The following MYRIP variants were observed in gnomAD, a reference collection of about 807,000 sequenced individuals.
MYRIP encodes the protein myosin VIIA and Rab interacting protein.
In MYRIP, 49 loss-of-function variants were observed where a neutral mutation model predicts 98.0. The ratio of observed to expected loss-of-function variants is 0.50; its 90% CI spans 0.40 to 0.63. The LOEUF is 0.63. Among genes scored for constraint, MYRIP ranks in the 30% least tolerant of loss-of-function variants. The pLI, the probability that MYRIP is intolerant of heterozygous loss-of-function variation, is 0.00. For synonymous variants in MYRIP, 404 were observed against 409.5 expected, an observed-to-expected ratio of 0.99 and a Z score of 0.16; for missense variants, 1,004 against 1,058.2, an observed-to-expected ratio of 0.95 and a Z score of 0.71.
chr3:39,873,252 G>A (rs911251818), intron 1 of MYRIP, among the ~76,000 whole-genome samples: 4 of 152,156 alleles, frequency 2.6e-5, no homozygotes, highest in African/African-American at 9.7e-5. Context: ...TTTGTCAGAT[G>A]AGTAGGTTGT....
At chr3:40,225,401 C>T (rs1399824270) in intron 11 of MYRIP, among the ~76,000 whole-genome samples, 1 of 152,164 alleles carries the variant, frequency 6.6e-6, no homozygotes, top group Non-Finnish European at 1.5e-5. Context: ...TGCAGAATGA[C>T]CTGAGGACTC....
chr3:40,057,584 C>T (rs1483291208), intron 3 of MYRIP, among the ~76,000 whole-genome samples: 1 of 152,178 alleles, frequency 6.6e-6, no homozygotes, highest in Non-Finnish European at 1.5e-5. Context: ...TGGCTTCTCA[C>T]AGACCACCCC....
chr3:40,149,095 A>G (rs562419637), intron 3 of MYRIP, among the ~76,000 whole-genome samples: 1 of 152,200 alleles, frequency 6.6e-6, no homozygotes, highest in Non-Finnish European at 1.5e-5. Flanking sequence ...AGGAAGGAAT[A>G]CTTGGGGCAG....
intron 2 of MYRIP, among the ~76,000 whole-genome samples, chr3:39,929,031 G>A (rs536507568): frequency 6.6e-6 from 1 of 152,062 alleles, no homozygotes; most frequent in Admixed American, 6.5e-5. Context: ...TGTGGTCTGT[G>A]TGTGTGTGTA....
chr3:39,816,248 A>G (rs71329592), intron 1 of MYRIP, among the ~76,000 whole-genome samples: 1 of 151,836 alleles, frequency 6.6e-6, no homozygotes, highest in Non-Finnish European at 1.5e-5. Context: ...CGCCCAGCTA[A>G]ATTTTTTGTA....
intron 2 of MYRIP, among the ~76,000 whole-genome samples, chr3:39,977,372 A>G (rs1050667576): frequency 1.4e-4 from 22 of 152,310 alleles, no homozygotes; most frequent in African/African-American, 4.8e-4. Flanking sequence ...AGCTTCCAGA[A>G]ACTGACAAGA....
chr3:39,945,498 AG>A (rs1253943426), intron 2 of MYRIP, among the ~76,000 whole-genome samples: 3 of 149,486 alleles, frequency 2.0e-5, no homozygotes, highest in East Asian at 2.0e-4. Context: ...AAAAGAAAAA[AG>A]AAAAAAAAAG....
intron 2 of MYRIP, among the ~76,000 whole-genome samples, chr3:40,006,295 C>T (rs545210991): frequency 2.0e-5 from 3 of 152,074 alleles, no homozygotes; most frequent in African/African-American, 7.2e-5. Context: ...AGTTTAGTAC[C>T]CAGCTTAGAA....
chr3:40,119,941 A>T (rs2125910103), intron 3 of MYRIP, among the ~76,000 whole-genome samples: 1 of 152,080 alleles, frequency 6.6e-6, no homozygotes, highest in Admixed American at 6.5e-5. Context: ...TAAATAAATA[A>T]ATAAATAAAC....
chr3:40,137,327 A>C (rs1949801477), intron 3 of MYRIP, among the ~76,000 whole-genome samples: 1 of 152,264 alleles, frequency 6.6e-6, no homozygotes, highest in African/African-American at 2.4e-5. Context: ...TCCCAAGACT[A>C]AACCAGGAAG....
chr3:40,066,784 A>G (rs888332464), intron 3 of MYRIP, among the ~76,000 whole-genome samples: 4 of 152,236 alleles, frequency 2.6e-5, no homozygotes, highest in Non-Finnish European at 4.4e-5. Context: ...TGATTAAAAT[A>G]TAAGTTGTCT....
chr3:40,131,413 C>T (rs1413777652), intron 3 of MYRIP, among the ~76,000 whole-genome samples: 1 of 152,170 alleles, frequency 6.6e-6, no homozygotes, highest in Non-Finnish European at 1.5e-5. Context: ...TTTAATTTCA[C>T]AGCCTGTGAG....
rs1948680356 is a variant in MYRIP, at chr3:40,088,724, G to A, written c.332+44453G>A. ...TGTGGCTGGAGCCTGTGGCTGGGAA[G>A]AAGTGCAGGGCCCAGCCCCCAGAGG... On this transcript the variant is annotated intron_variant, in intron 3 of 16. Coordinates refer to ENST00000302541, the MANE Select transcript of MYRIP (RefSeq NM_015460.4). Among the ~76,000 whole-genome samples the A allele has an allele frequency of 2.0e-5, 3 of 152,258 alleles. 1 individual carries two copies. In the South Asian group the frequency reaches 6.2e-4, roughly 31 times the overall value.
chr3:39,975,994 G>A (rs1945740866), intron 2 of MYRIP, among the ~76,000 whole-genome samples: 1 of 152,130 alleles, frequency 6.6e-6, no homozygotes, highest in African/African-American at 2.4e-5. Flanking sequence ...CATGGGCAAG[G>A]ACTTCATGTC....
intron 2 of MYRIP, among the ~76,000 whole-genome samples, chr3:39,914,828 T>C (rs1281310455): frequency 1.3e-5 from 2 of 152,080 alleles, no homozygotes; most frequent in Non-Finnish European, 2.9e-5. Flanking sequence ...AAAACATTTC[T>C]CCAGCCATAG....
At chr3:39,910,587 T>C (rs766550819) in intron 2 of MYRIP, among the ~76,000 whole-genome samples, 1 of 152,222 alleles carries the variant, frequency 6.6e-6, no homozygotes, top group Non-Finnish European at 1.5e-5. Context: ...GTGAAATAAA[T>C]GCTAGATTTC....
intron 3 of MYRIP, among the ~76,000 whole-genome samples, chr3:40,063,887 C>A (rs2125851460): frequency 6.6e-6 from 1 of 152,196 alleles, no homozygotes; most frequent in Admixed American, 6.5e-5. Flanking sequence ...CCGGAGATTG[C>A]AAAATTCTCA....
chr3:39,868,453 T>A (rs1300082414), intron 1 of MYRIP, among the ~76,000 whole-genome samples: 1 of 152,190 alleles, frequency 6.6e-6, no homozygotes, highest in African/African-American at 2.4e-5. Context: ...GATAAGGGAC[T>A]GAGTTCCTGA....
chr3:40,036,320 A>AAC (rs1947383757), intron 2 of MYRIP, among the ~76,000 whole-genome samples: 1 of 149,234 alleles, frequency 6.7e-6, no homozygotes, highest in Non-Finnish European at 1.5e-5. Context: ...AAAAAAAAAA[A>AAC]AAAACTTTAT....
Sources: allele counts gnomAD v4.1 joint callset (sites outside exome capture counted in the v4.1 genomes callset), GRCh38; gene constraint gnomAD v4.1.1; transcripts MANE v1.5; gene names NCBI Gene and HGNC (gene_info 2026-07-23, HGNC 2026-07-21).